Variants in PDE4D observed in about 807,000 individuals in gnomAD.
The protein encoded by PDE4D is phosphodiesterase 4D, also known as 3',5'-cyclic-AMP phosphodiesterase 4D.
Under a neutral mutation model 87.4 loss-of-function variants are expected in PDE4D, and 24 were observed. The ratio of observed to expected loss-of-function variants is 0.27; its 90% CI spans 0.20 to 0.39. The LOEUF is 0.39. PDE4D is among the 10% of genes least tolerant of loss of function. PDE4D has a pLI of 1.00. For missense variants in PDE4D, 714 were observed against 1,041.0 expected (o/e 0.69, Z 4.32); for synonymous variants, 384 against 383.2 (o/e 1.00, Z -0.02).
intron 6 of PDE4D, among the ~76,000 whole-genome samples, chr5:59,027,512 T>C (rs1351791699): frequency 6.6e-6 from 1 of 152,174 alleles, no homozygotes; most frequent in African/African-American, 2.4e-5. Context: ...TTGTCTATTT[T>C]CCCCCACTTA....
intron 1 of PDE4D, among the ~76,000 whole-genome samples, chr5:59,696,456 AC>A (rs1324109043): frequency 1.3e-5 from 2 of 152,194 alleles, no homozygotes; most frequent in Non-Finnish European, 2.9e-5. Flanking sequence ...TATACATTAT[AC>A]AGCATGAAAA....
intron 2 of PDE4D, among the ~76,000 whole-genome samples, chr5:60,158,382 T>A (rs996556063): frequency 6.6e-6 from 1 of 152,050 alleles, no homozygotes; most frequent in Non-Finnish European, 1.5e-5. Context: ...AAAGATACAG[T>A]AAAAATGTGG....
intron 2 of PDE4D, among the ~76,000 whole-genome samples, chr5:60,169,603 G>A (rs921593839): frequency 4.6e-5 from 7 of 151,842 alleles, no homozygotes; most frequent in East Asian, 1.9e-4. Context: ...AAGAAATAAC[G>A]CACTATTTCT....
chr5:59,378,265 C>T (rs957961400), intron 1 of PDE4D, among the ~76,000 whole-genome samples: 4 of 152,114 alleles, frequency 2.6e-5, no homozygotes, highest in African/African-American at 9.7e-5. Context: ...GAACAACACA[C>T]ACTAGGGCCT....
At chr5:59,733,421 G>A (rs1166281350) in intron 1 of PDE4D, among the ~76,000 whole-genome samples, 3 of 152,108 alleles carry the variant, frequency 2.0e-5, no homozygotes, top group Non-Finnish European at 2.9e-5. Flanking sequence ...AGAACAAATG[G>A]ATGAGATGTA....
intron 1 of PDE4D, among the ~76,000 whole-genome samples, chr5:60,316,276 G>A (rs1562316157): frequency 2.0e-5 from 3 of 151,980 alleles, no homozygotes; most frequent in African/African-American, 7.3e-5. Flanking sequence ...TCATGATTTG[G>A]CTCTCTGTTT....
At chr5:59,628,209 A>T (rs1334447325) in intron 1 of PDE4D, among the ~76,000 whole-genome samples, 1 of 152,102 alleles carries the variant, frequency 6.6e-6, no homozygotes, top group Non-Finnish European at 1.5e-5. Context: ...CACCCAATAC[A>T]CCTGGTACCA....
chr5:59,976,386 T>C (rs1014765092), intron 3 of PDE4D, among the ~76,000 whole-genome samples: 6 of 152,150 alleles, frequency 3.9e-5, no homozygotes, highest in African/African-American at 1.4e-4. Context: ...AGAGCCCTCA[T>C]AAATGGCTTG....
At chr5:60,434,889 G>A (rs1281695854) in intron 1 of PDE4D, among the ~76,000 whole-genome samples, 1 of 152,064 alleles carries the variant, frequency 6.6e-6, no homozygotes, top group Non-Finnish European at 1.5e-5. Flanking sequence ...AAATGCTGAT[G>A]GAGATACAGA....
intron 1 of PDE4D, among the ~76,000 whole-genome samples, chr5:60,447,534 A>G (rs1320164081): frequency 1.3e-5 from 2 of 152,110 alleles, no homozygotes; most frequent in African/African-American, 4.8e-5. Context: ...GAAAAGAAGG[A>G]ATAGCTTTTG....
chr5:60,074,594 T>C (rs754455600), intron 2 of PDE4D, among the ~76,000 whole-genome samples: 3 of 152,112 alleles, frequency 2.0e-5, no homozygotes, highest in Non-Finnish European at 4.4e-5. Context: ...TCTAATACTG[T>C]CAGTGGGGTG....
intron 1 of PDE4D, among the ~76,000 whole-genome samples, chr5:59,285,768 AAG>A (rs1214624283): frequency 6.6e-6 from 1 of 152,156 alleles, no homozygotes; most frequent in Non-Finnish European, 1.5e-5. Context: ...CTTTTCCAGG[AAG>A]AGTTTCCCCA....
chr5:60,403,392 T>C (rs1464095504), intron 1 of PDE4D, among the ~76,000 whole-genome samples: 3 of 152,194 alleles, frequency 2.0e-5, no homozygotes, highest in African/African-American at 7.2e-5. Flanking sequence ...TCTCAGGAAA[T>C]GTTCTGCAGA....
intron 1 of PDE4D, among the ~76,000 whole-genome samples, chr5:59,613,329 G>A (rs553904522): frequency 6.6e-6 from 1 of 152,138 alleles, no homozygotes; most frequent in Non-Finnish European, 1.5e-5. Context: ...CTTTGGTTTT[G>A]GACATGCTCA....
At chr5:59,830,245 C>T (rs1045097728) in intron 1 of PDE4D, among the ~76,000 whole-genome samples, 1 of 152,028 alleles carries the variant, frequency 6.6e-6, no homozygotes, top group Non-Finnish European at 1.5e-5. Context: ...TGCTAGTGTT[C>T]CAGCACCTCA....
At position 59,893,628 on chromosome 5, in the gene PDE4D, C is replaced by G; in HGVS notation, c.-6G>C. 1 of 1,485,128 alleles carries G rather than the reference C, an allele frequency of 6.7e-7. No individual in the cohort carries two copies. Among genetic ancestry groups the G allele is most frequent in the Non-Finnish European group, 8.9e-7 (1 of 1,122,460 alleles). 92.0% of individuals were successfully genotyped at this position (1,485,128 alleles called of 1,614,324 possible). A position where few individuals can be genotyped will look rare whatever the true frequency, so the allele number is the denominator to read the frequency against. On this transcript the variant is annotated 5_prime_UTR_variant, in exon 1 of 15. Transcript: ENST00000340635. ...CTGCTGCCCTCTGCCTCCATCCTGG[C>G]TCGCGGCTCCGCGACCTGCTGCCCA...
chr5:59,928,533 G>C (rs982713888), intron 3 of PDE4D, among the ~76,000 whole-genome samples: 1 of 152,046 alleles, frequency 6.6e-6, no homozygotes, highest in African/African-American at 2.4e-5. Flanking sequence ...AGCCGAGATT[G>C]TGCCTCTGCA....
chr5:59,837,644 A>C (rs1244734705), intron 1 of PDE4D, among the ~76,000 whole-genome samples: 3 of 152,212 alleles, frequency 2.0e-5, no homozygotes, highest in African/African-American at 7.2e-5. Flanking sequence ...ACACCAAGAC[A>C]ACTGAGTGTT....
intron 1 of PDE4D, among the ~76,000 whole-genome samples, chr5:59,868,247 A>G (rs550229880): frequency 5.3e-4 from 80 of 152,260 alleles, no homozygotes; most frequent in African/African-American, 1.9e-3. Flanking sequence ...TTACTAATTC[A>G]TTTTCAAAAA....
Sources: gnomAD v4.1 joint callset for allele counts (sites outside exome capture counted in the v4.1 genomes callset) on GRCh38, gnomAD v4.1.1 for gene constraint, MANE v1.5 for transcripts, NCBI Gene and HGNC (gene_info 2026-07-23, HGNC 2026-07-21) for gene names.